AGPS: variants seen among roughly 807,000 people sequenced by gnomAD.
AGPS encodes alkyldihydroxyacetonephosphate synthase, peroxisomal.
AGPS carries 26 observed loss-of-function variants against 90.7 expected under a neutral mutation model. That is an observed-to-expected ratio of 0.29 (90% CI 0.21 to 0.40). The LOEUF is 0.40. Among genes scored for constraint, AGPS ranks in the 10% least tolerant of loss-of-function variants. The probability of loss-of-function intolerance (pLI) is 1.00; values close to 1 mark genes in which losing one functional copy is unlikely to be tolerated. For synonymous variants in AGPS, 294 were observed against 285.3 expected (o/e 1.03, Z -0.31); for missense variants, 540 against 816.1 (o/e 0.66, Z 4.12).
intron 19 of AGPS, among the ~76,000 whole-genome samples, chr2:177,527,202 TGGATTGCTTAAGCTCA>T (rs778734254): frequency 3.3e-5 from 5 of 151,822 alleles, no homozygotes; most frequent in Non-Finnish European, 7.4e-5. Context: ...CCTAGGCGGG[TGGATTGCTTAAGCTCA>T]GGAGTTCGAG....
intron 1 of AGPS, among the ~76,000 whole-genome samples, chr2:177,417,044 G>T (rs748478561): frequency 6.6e-6 from 1 of 152,114 alleles, no homozygotes; most frequent in Non-Finnish European, 1.5e-5. Flanking sequence ...TTACACTATC[G>T]GAAGTATAGG....
At position 177,540,834 on chromosome 2, in the gene AGPS, T is replaced by G. The variant is rs116473019; in HGVS notation, c.*2639T>G. On this transcript the variant is annotated 3_prime_UTR_variant, in exon 20 of 20. Transcript: ENST00000264167. Reference sequence around the variant, plus strand: ...AACTTGCCGCTAGTGAGAAATGGCATTGAATACTAAAGACTCAATATGAAC... The same window carrying G: ...AACTTGCCGCTAGTGAGAAATGGCAGTGAATACTAAAGACTCAATATGAAC... The G allele has an allele frequency of 3.9e-5, 6 of 152,230 alleles. No individual in the cohort carries two copies. The highest frequency in any genetic ancestry group is 1.2e-4 in the African/African-American group (5 of 41,536). 9.4% of individuals were successfully genotyped at this position (152,230 alleles called of 1,614,324 possible).
intron 19 of AGPS, among the ~76,000 whole-genome samples, chr2:177,530,491 G>T (rs2079128853): frequency 6.6e-6 from 1 of 152,134 alleles, no homozygotes; most frequent in South Asian, 2.1e-4. Context: ...TTCTTGATTT[G>T]CACCCTGAAC....
At chr2:177,401,547 A>T (rs924465763) in intron 1 of AGPS, among the ~76,000 whole-genome samples, 20 of 140,598 alleles carry the variant, frequency 1.4e-4, no homozygotes, top group African/African-American at 4.9e-4. Context: ...TTTAATTTTA[A>T]TTTTTTTTTT....
chr2:177,440,753 G>A (rs900490869), intron 5 of AGPS, among the ~76,000 whole-genome samples: 23 of 152,018 alleles, frequency 1.5e-4, no homozygotes, highest in African/African-American at 9.7e-5. Context: ...GAAAATTTTC[G>A]TACTATCTTT....
At chr2:177,458,176 G>A (rs1056492950) in intron 8 of AGPS, among the ~76,000 whole-genome samples, 7 of 152,080 alleles carry the variant, frequency 4.6e-5, no homozygotes, top group African/African-American at 1.4e-4. Context: ...ACTAGGTATC[G>A]ATGGAACGTA....
At chr2:177,435,832 A>G (rs780798625) in intron 3 of AGPS, among the ~76,000 whole-genome samples, 3 of 152,170 alleles carry the variant, frequency 2.0e-5, no homozygotes, top group Non-Finnish European at 4.4e-5. Flanking sequence ...TAGCCATGCT[A>G]TTAGGTGCTT....
intron 17 of AGPS, among the ~76,000 whole-genome samples, chr2:177,516,430 G>A (rs1395811644): frequency 6.6e-6 from 1 of 152,090 alleles, no homozygotes; most frequent in African/African-American, 2.4e-5. Context: ...TGACAACCAC[G>A]CTATTACTTG....
chr2:177,498,484 C>CT (rs1304491000), intron 13 of AGPS, among the ~76,000 whole-genome samples: 1 of 149,928 alleles, frequency 6.7e-6, no homozygotes, highest in African/African-American at 2.4e-5. Context: ...AGGGATTTTT[C>CT]TTTTTTGGTG....
Position 177,442,456 on chromosome 2 carries a change from A to G in AGPS, c.759A>G (p.Arg253=). 6.2e-7 allele frequency: 1 copy of G among 1,613,796 alleles called. No homozygotes were observed. The highest frequency in any genetic ancestry group is 1.1e-5 in the South Asian group (1 of 91,074). Residue 253 remains arginine (R), a synonymous_variant, in exon 7 of 20, where the codon AGA becomes AGG. Coordinates refer to ENST00000264167, the MANE Select transcript of AGPS (RefSeq NM_003659.4). ...TGATGTGTCCTGCAGATGAGACAAG[A>G]ACAATTATTTCTTTGGACACTTCAC... is the stretch of plus-strand genomic sequence containing the variant. ...YGLMCPADET[R]TIISLDTSQM... is the part of the protein sequence containing the mutation.
intron 10 of AGPS, among the ~76,000 whole-genome samples, chr2:177,481,789 T>C (rs1012002173): frequency 1.4e-4 from 21 of 152,076 alleles, no homozygotes; most frequent in African/African-American, 5.1e-4. Context: ...CATTTAAAAG[T>C]AACCTTCTTG....
At chr2:177,476,589 T>TA (rs1687787575) in intron 10 of AGPS, among the ~76,000 whole-genome samples, 3 of 152,266 alleles carry the variant, frequency 2.0e-5, no homozygotes, top group African/African-American at 7.2e-5. Flanking sequence ...CGCTAGCATG[T>TA]AGTCTGTCCT....
intron 16 of AGPS, among the ~76,000 whole-genome samples, 194 bp from the exon 17 acceptor site, chr2:177,513,625 T>C (rs952621282): frequency 3.9e-5 from 6 of 152,246 alleles, no homozygotes; most frequent in Non-Finnish European, 7.3e-5. Context: ...GAAAAAACTT[T>C]CTTCTTTTTG....
At chr2:177,426,147 T>C (rs980013964) in intron 2 of AGPS, among the ~76,000 whole-genome samples, 1 of 152,230 alleles carries the variant, frequency 6.6e-6, no homozygotes, top group African/African-American at 2.4e-5. Flanking sequence ...TTATTCTCTT[T>C]GTAGCAATTG....
rs188959469 is a variant in AGPS, at chr2:177,403,005, C to T, written c.260+9956C>T. On this transcript the variant is annotated intron_variant, in intron 1 of 19. Transcript: ENST00000264167. ...CTGGGAGGTGGAGGTTGCAGTGAGC[C>T]GAGATCATGCCACTGCACTCCAGCC... Among the ~76,000 whole-genome samples, 15 of 152,142 alleles carry T rather than the reference C, an allele frequency of 9.9e-5. No individual in the cohort carries two copies. The East Asian group carries it at 1.7e-3, about 18-fold the overall frequency.
At chr2:177,463,785 G>A (rs2105668964) in intron 9 of AGPS, among the ~76,000 whole-genome samples, 1 of 152,132 alleles carries the variant, frequency 6.6e-6, no homozygotes, top group South Asian at 2.1e-4. Context: ...TCAGAGTTAA[G>A]CAAATATTTG....
chr2:177,469,220 ATAAAT>A (rs1431221258), intron 10 of AGPS, among the ~76,000 whole-genome samples: 5 of 152,180 alleles, frequency 3.3e-5, no homozygotes, highest in African/African-American at 1.2e-4. Flanking sequence ...ATTCAGAGAA[ATAAAT>A]TAAAATAAAC....
At chr2:177,408,320 A>G (rs1685519559) in intron 1 of AGPS, among the ~76,000 whole-genome samples, 1 of 152,186 alleles carries the variant, frequency 6.6e-6, no homozygotes, top group African/African-American at 2.4e-5. Flanking sequence ...GTGGCCACAC[A>G]TTGGAATTTG....
At chr2:177,430,857 TTA>T (rs1686222650) in intron 2 of AGPS, among the ~76,000 whole-genome samples, 1 of 152,208 alleles carries the variant, frequency 6.6e-6, no homozygotes, top group Non-Finnish European at 1.5e-5. Context: ...ATTTTTGACT[TTA>T]TGGGTATTAT....
Sources: gnomAD v4.1 joint callset for allele counts (sites outside exome capture counted in the v4.1 genomes callset) on GRCh38, gnomAD v4.1.1 for gene constraint, MANE v1.5 for transcripts, NCBI Gene and HGNC (gene_info 2026-07-23, HGNC 2026-07-21) for gene names.